Variants in ZNF91 observed in about 807,000 individuals in gnomAD.
ZNF91 encodes zinc finger protein 91 (HPF7, HTF10).
A neutral mutation model predicts 12.6 loss-of-function variants in ZNF91; 7 were observed. The observed-to-expected ratio is 0.55, with a 90% CI of 0.31 to 1.04. ZNF91 has a LOEUF of 1.04. Ranked by LOEUF, ZNF91 falls within the 50% of genes least tolerant of loss-of-function variation. The pLI is 0.05. For missense variants in ZNF91, 1,217 were observed against 1,385.4 expected, an observed-to-expected ratio of 0.88 and a Z score of 1.93; for synonymous variants, 453 against 462.6, an observed-to-expected ratio of 0.98 and a Z score of 0.27.
intron 3 of ZNF91, among the ~76,000 whole-genome samples, chr19:23,364,891 A>C (rs1357277603): frequency 6.6e-6 from 1 of 151,900 alleles, no homozygotes; most frequent in Non-Finnish European, 1.5e-5. Flanking sequence ...ATGTTGCTCC[A>C]GACTGTCTTA....
chr19:23,342,957 C>T (rs1968154145), intron 3 of ZNF91, among the ~76,000 whole-genome samples: 1 of 152,160 alleles, frequency 6.6e-6, no homozygotes, highest in South Asian at 2.1e-4. Context: ...GTTAATTTTA[C>T]TCTAGGTGTT....
At chr19:23,330,853 A>C (rs1967916970) in intron 1 of ZNF91, among the ~76,000 whole-genome samples, 1 of 152,190 alleles carries the variant, frequency 6.6e-6, no homozygotes, top group African/African-American at 2.4e-5. Flanking sequence ...TTTTTGCCTC[A>C]CTGTGACCCA....
chr19:23,374,623 T>TAAG lies in ZNF91; in HGVS notation c.157+14_157+15insCTT. ...TTAGTTTATATTAGAAACTTAGTAT[T>TAAG]AAAGTTTTCCTTACCCAGGAAGGCC... On this transcript the variant is annotated intron_variant, in intron 2 of 3. Transcript: ENST00000300619. 1.2e-6 allele frequency: 2 copies of TAAG among 1,601,270 alleles called. No homozygotes were observed. Among genetic ancestry groups the TAAG allele is most frequent in the Non-Finnish European group, 1.7e-6 (2 of 1,173,818 alleles).
chr19:23,378,025 G>A (rs1969568948), intron 1 of ZNF91, among the ~76,000 whole-genome samples: 1 of 152,130 alleles, frequency 6.6e-6, no homozygotes, highest in Non-Finnish European at 1.5e-5. Flanking sequence ...GATACAGATA[G>A]AGTGTAATGT....
chr19:23,385,033 G>A, intron 1 of ZNF91: 1 of 1,217,636 alleles, frequency 8.2e-7, no homozygotes, highest in East Asian at 2.3e-5. Context: ...CCACCAGGGA[G>A]ACACCTCATG....
intron 3 of ZNF91, among the ~76,000 whole-genome samples, chr19:23,366,227 G>A (rs781752138): frequency 1.8e-4 from 27 of 151,682 alleles, no homozygotes; most frequent in Admixed American, 2.6e-4. Flanking sequence ...CAGATGGGGC[G>A]GCTGGCCGGG....
chr19:23,372,622 G>A (rs1969329807), intron 3 of ZNF91, among the ~76,000 whole-genome samples: 1 of 152,170 alleles, frequency 6.6e-6, no homozygotes, highest in Non-Finnish European at 1.5e-5. Flanking sequence ...ACTGTACTCT[G>A]TAACCATCCC....
chr19:23,374,807 G>A, intron 1 of ZNF91, 43 bp from the exon 2 acceptor site: 1 of 1,594,120 alleles, frequency 6.3e-7, no homozygotes, highest in Non-Finnish European at 8.5e-7. Context: ...AAGTGGCTAT[G>A]GGCAGAATTT....
At chr19:23,319,108 A>T (rs1325857582) in intron 1 of ZNF91, among the ~76,000 whole-genome samples, 3 of 152,052 alleles carry the variant, frequency 2.0e-5, no homozygotes, top group African/African-American at 7.2e-5. Flanking sequence ...TGGGCCCTTC[A>T]CTCAGTGAGT....
downstream of ZNF91, among the ~76,000 whole-genome samples, chr19:23,356,774 C>T (rs1185471669): frequency 6.6e-6 from 1 of 151,722 alleles, no homozygotes; most frequent in African/African-American, 2.4e-5. Context: ...TACAGACAGG[C>T]TCACATAATG....
intron 1 of ZNF91, among the ~76,000 whole-genome samples, chr19:23,387,941 CAA>C (rs71163499): frequency 4.6e-4 from 26 of 56,278 alleles, no homozygotes; most frequent in East Asian, 4.5e-3. Flanking sequence ...GAGACTGTCT[CAA>C]AAAAAAAAAA....
At chr19:23,366,337 C>T (rs1005137706) in intron 3 of ZNF91, among the ~76,000 whole-genome samples, 3 of 152,212 alleles carry the variant, frequency 2.0e-5, no homozygotes, top group Admixed American at 2.0e-4. Context: ...GCTTAAAATC[C>T]TTAAAGATCT....
chr19:23,363,052 T>C (rs296090), intron 3 of ZNF91, among the ~76,000 whole-genome samples: 159 of 152,220 alleles, frequency 1.0e-3, no homozygotes, highest in African/African-American at 3.6e-3. Context: ...ATTACATCTA[T>C]GGAAAATTTA....
At chr19:23,313,048 G>A (rs185252866), upstream of ZNF91, among the ~76,000 whole-genome samples, 7 of 152,346 alleles carry the variant, frequency 4.6e-5, no homozygotes, top group African/African-American at 1.7e-4. Flanking sequence ...AGGAAAGATT[G>A]TGCCTCTCAT....
intron 2 of ZNF91, chr19:23,307,874 A>G (rs1438394328): frequency 6.6e-6 from 1 of 152,252 alleles, no homozygotes; most frequent in Admixed American, 6.5e-5. Flanking sequence ...TGGGCTCAAC[A>G]AATGAGTGAA....
intron 3 of ZNF91, among the ~76,000 whole-genome samples, chr19:23,346,380 T>A (rs954151237): frequency 1.3e-5 from 2 of 152,174 alleles, no homozygotes; most frequent in African/African-American, 4.8e-5. Flanking sequence ...CCCACTGAGA[T>A]TATCAAGATG....
chr19:23,381,814 C>T (rs966653947), intron 1 of ZNF91, among the ~76,000 whole-genome samples: 1 of 152,110 alleles, frequency 6.6e-6, no homozygotes, highest in African/African-American at 2.4e-5. Context: ...TGCAAATAAT[C>T]ATCATGGATA....
intron 3 of ZNF91, among the ~76,000 whole-genome samples, 180 bp from the exon 4 acceptor site, chr19:23,362,905 G>A (rs1304334652): frequency 3.3e-5 from 5 of 151,978 alleles, no homozygotes; most frequent in South Asian, 2.1e-4. Context: ...ACGGAGTCTC[G>A]CTCTGTCACC....
At chr19:23,318,794 G>A (rs1189425351) in intron 1 of ZNF91, among the ~76,000 whole-genome samples, 4 of 152,144 alleles carry the variant, frequency 2.6e-5, no homozygotes, top group Non-Finnish European at 5.9e-5. Context: ...CCTGGTCATT[G>A]CCCACAGGGG....
Sources: gnomAD v4.1 joint callset for allele counts (sites outside exome capture counted in the v4.1 genomes callset) on GRCh38, gnomAD v4.1.1 for gene constraint, MANE v1.5 for transcripts, NCBI Gene and HGNC (gene_info 2026-07-23, HGNC 2026-07-21) for gene names.